NAALADL2: variants seen among roughly 807,000 people sequenced by gnomAD.
NAALADL2 encodes the protein N-acetylated alpha-linked acidic dipeptidase like 2, also known as inactive N-acetylated-alpha-linked acidic dipeptidase-like protein 2.
NAALADL2 carries 76 observed loss-of-function variants against 87.2 expected under a neutral mutation model. The ratio of observed to expected loss-of-function variants is 0.87; its 90% CI spans 0.72 to 1.05. The LOEUF is 1.05. NAALADL2 is among the 50% of genes least tolerant of loss of function. NAALADL2 has a pLI of 0.00. For missense variants in NAALADL2, 1,089 were observed against 945.8 expected, an observed-to-expected ratio of 1.15 and a Z score of -1.99; for synonymous variants, 354 against 331.0, an observed-to-expected ratio of 1.07 and a Z score of -0.75.
intron 4 of NAALADL2, among the ~76,000 whole-genome samples, chr3:175,314,908 G>T (rs1272070434): frequency 6.6e-6 from 1 of 151,238 alleles, no homozygotes; most frequent in Non-Finnish European, 1.5e-5. Flanking sequence ...ATTATTTTCT[G>T]CTAGGCACTC....
intron 3 of NAALADL2, among the ~76,000 whole-genome samples, chr3:174,784,258 A>C (rs1716339212): frequency 6.6e-6 from 1 of 152,128 alleles, no homozygotes; most frequent in Admixed American, 6.6e-5. Flanking sequence ...CTTTTTTGGA[A>C]GTTAGGATAG....
At chr3:174,596,702 A>G (rs1201092552) in intron 2 of NAALADL2, among the ~76,000 whole-genome samples, 2 of 152,112 alleles carry the variant, frequency 1.3e-5, no homozygotes, top group African/African-American at 4.8e-5. Context: ...TGCTAAGTAC[A>G]TTGTTTCTAA....
At chr3:174,516,413 C>T (rs1443108554) in intron 1 of NAALADL2, among the ~76,000 whole-genome samples, 6 of 152,018 alleles carry the variant, frequency 3.9e-5, no homozygotes, top group South Asian at 2.1e-4. Context: ...ACTTTGACAT[C>T]GGTACACACA....
chr3:175,075,259 C>T (rs1360204501), intron 1 of NAALADL2, among the ~76,000 whole-genome samples: 2 of 152,086 alleles, frequency 1.3e-5, no homozygotes, highest in African/African-American at 4.8e-5. Flanking sequence ...TTGTGTATCT[C>T]TAAGAAACAG....
chr3:174,729,068 AATCTTAAT>A (rs1318681351), intron 2 of NAALADL2, among the ~76,000 whole-genome samples: 1 of 152,022 alleles, frequency 6.6e-6, no homozygotes, highest in East Asian at 1.9e-4. Flanking sequence ...TTCCATAGTC[AATCTTAAT>A]AAAATCAACT....
At chr3:175,772,006 C>T (rs1285513576) in intron 13 of NAALADL2, among the ~76,000 whole-genome samples, 1 of 152,138 alleles carries the variant, frequency 6.6e-6, no homozygotes, top group East Asian at 1.9e-4. Context: ...CAGTTACCCT[C>T]TACTGGGTCC....
chr3:175,787,532 C>A (rs942850957), intron 13 of NAALADL2, among the ~76,000 whole-genome samples: 1 of 152,206 alleles, frequency 6.6e-6, no homozygotes, highest in Non-Finnish European at 1.5e-5. Flanking sequence ...TGACCCCTTG[C>A]GCTTCCCAAG....
chr3:175,305,310 TTCTC>T (rs1366430206), intron 4 of NAALADL2, among the ~76,000 whole-genome samples: 1 of 151,636 alleles, frequency 6.6e-6, no homozygotes, highest in East Asian at 1.9e-4. Context: ...AGGAACGTAA[TTCTC>T]TCTCTAACTG....
At chr3:175,754,278 C>T (rs540735685) in intron 12 of NAALADL2, among the ~76,000 whole-genome samples, 5 of 152,170 alleles carry the variant, frequency 3.3e-5, no homozygotes, top group Non-Finnish European at 7.4e-5. Flanking sequence ...CACATAGATA[C>T]TAAGTGGTAG....
intron 1 of NAALADL2, among the ~76,000 whole-genome samples, chr3:174,451,669 CATGTGCCTTCTTTTCGGTTTACAT>C (rs2108273215): frequency 6.6e-6 from 1 of 152,240 alleles, no homozygotes; most frequent in Admixed American, 6.5e-5. Context: ...TGCTCTTATT[CATGTGCCTTCTTTTCGGTTTACAT>C]ATTTTTTGGA....
Position 175,364,278 on chromosome 3 carries a change from T to G in NAALADL2, c.1090+39953T>G, listed in dbSNP as rs1765325230. 1.4e-5 allele frequency among the ~76,000 whole-genome samples: 2 copies of G among 147,890 alleles called. 1 individual carries two copies. The highest frequency in any genetic ancestry group is 4.9e-5 in the African/African-American group (2 of 40,738). ...AAGATCAGAAAATATGTCTTTTTCCTCTGCGTAAAACAAAACCAAAAGAAC... is the reference window on the plus strand; with the variant it reads ...AAGATCAGAAAATATGTCTTTTTCCGCTGCGTAAAACAAAACCAAAAGAAC... On this transcript the variant is annotated intron_variant, in intron 5 of 13. Coordinates refer to ENST00000454872, the MANE Select transcript of NAALADL2 (RefSeq NM_207015.3).
At chr3:175,610,708 C>T (rs4434155) in intron 10 of NAALADL2, among the ~76,000 whole-genome samples, 141,134 of 152,090 alleles carry the variant, frequency 0.93, 65,567 homozygotes, top group Admixed American at 0.95. Flanking sequence ...AGAGACATTG[C>T]ATTCACATGA....
chr3:175,491,155 C>T (rs545159402), intron 9 of NAALADL2, among the ~76,000 whole-genome samples: 41 of 132,082 alleles, frequency 3.1e-4, no homozygotes, highest in African/African-American at 9.1e-4. Context: ...TTTTTTCTGT[C>T]AGGAAATATT....
intron 9 of NAALADL2, among the ~76,000 whole-genome samples, chr3:175,563,794 G>C (rs1394772155): frequency 6.6e-6 from 1 of 152,094 alleles, no homozygotes; most frequent in East Asian, 1.9e-4. Context: ...CTTACACCTG[G>C]AGCAAAGAAA....
chr3:175,086,430 C>T (rs548590773), intron 1 of NAALADL2, among the ~76,000 whole-genome samples: 18 of 151,188 alleles, frequency 1.2e-4, no homozygotes, highest in Middle Eastern at 3.5e-3. Context: ...AAAAAAGAAA[C>T]GGGAAAAGAA....
chr3:174,958,632 G>A (rs1380833014), intron 1 of NAALADL2, among the ~76,000 whole-genome samples: 1 of 152,002 alleles, frequency 6.6e-6, no homozygotes, highest in Non-Finnish European at 1.5e-5. Flanking sequence ...GCCAGCACAA[G>A]GAGAGTTATG....
intron 11 of NAALADL2, among the ~76,000 whole-genome samples, chr3:175,694,984 C>T (rs543924005): frequency 4.6e-5 from 7 of 151,676 alleles, no homozygotes; most frequent in South Asian, 4.2e-4. Context: ...TGAGCAGTCT[C>T]GACTTCACTG....
intron 2 of NAALADL2, among the ~76,000 whole-genome samples, chr3:175,174,027 T>G (rs1046679309): frequency 7.9e-5 from 12 of 152,182 alleles, no homozygotes; most frequent in Admixed American, 7.9e-4. Context: ...GGGATATTAT[T>G]TTATTATTGT....
Position 175,279,252 on chromosome 3 carries a change from T to G in NAALADL2, c.939+22722T>G, listed in dbSNP as rs137945464. 3.4e-3 allele frequency among the ~76,000 whole-genome samples: 525 copies of G among 152,286 alleles called. 4 individuals carry two copies. Among genetic ancestry groups the G allele is most frequent in the African/African-American group, 0.012 (510 of 41,574 alleles). ...AAGTGGGTATTTAATCTGGACTAACTGAAGACATTTATCCTTATCGTTGCC... is the reference window on the plus strand; with the variant it reads ...AAGTGGGTATTTAATCTGGACTAACGGAAGACATTTATCCTTATCGTTGCC... On this transcript the variant is annotated intron_variant, in intron 4 of 13. Coordinates refer to ENST00000454872, the MANE Select transcript of NAALADL2 (RefSeq NM_207015.3).
Sources: gnomAD v4.1 joint callset for allele counts (sites outside exome capture counted in the v4.1 genomes callset) on GRCh38, gnomAD v4.1.1 for gene constraint, MANE v1.5 for transcripts, NCBI Gene and HGNC (gene_info 2026-07-23, HGNC 2026-07-21) for gene names.